The following ST3GAL3 variants were observed in gnomAD, a reference collection of about 807,000 sequenced individuals.
ST3GAL3 encodes ST3 beta-galactoside alpha-2,3-sialyltransferase 3, also known as CMP-N-acetylneuraminate-beta-1,4-galactoside alpha-2,3-sialyltransferase.
In ST3GAL3, 21 loss-of-function variants were observed where a neutral mutation model predicts 50.1. That is an observed-to-expected ratio of 0.42 (90% CI 0.30 to 0.60). ST3GAL3 has a LOEUF of 0.60. Among genes scored for constraint, ST3GAL3 ranks in the 20% least tolerant of loss-of-function variants. The pLI is 0.19. For synonymous variants in ST3GAL3, 183 were observed against 190.0 expected (o/e 0.96, Z 0.30); for missense variants, 353 against 489.4 (o/e 0.72, Z 2.63).
chr1:43,758,174 A>C (rs74590034), intron 2 of ST3GAL3, among the ~76,000 whole-genome samples: 6,572 of 73,710 alleles, frequency 0.089, 186 homozygotes, highest in Non-Finnish European at 0.11. Context: ...CCCCCCCCCC[A>C]AAAAAAAGGC....
At chr1:43,791,576 A>T (rs1021506233) in intron 2 of ST3GAL3, among the ~76,000 whole-genome samples, 2 of 152,130 alleles carry the variant, frequency 1.3e-5, no homozygotes, top group African/African-American at 4.8e-5. Context: ...GTGCACTAAC[A>T]TTTCCCCAAC....
At chr1:43,800,629 A>G (rs996026031) in intron 3 of ST3GAL3, among the ~76,000 whole-genome samples, 1 of 152,204 alleles carries the variant, frequency 6.6e-6, no homozygotes, top group Non-Finnish European at 1.5e-5. Flanking sequence ...AGCCTACTTC[A>G]TGATTGGGGG....
chr1:43,782,944 C>T (rs1299176018), intron 2 of ST3GAL3, among the ~76,000 whole-genome samples: 1 of 152,076 alleles, frequency 6.6e-6, no homozygotes, highest in Non-Finnish European at 1.5e-5. Context: ...TATTTAATTA[C>T]AGGATGCTGC....
chr1:43,764,843 C>A (rs1042233159), intron 2 of ST3GAL3, among the ~76,000 whole-genome samples: 5 of 152,214 alleles, frequency 3.3e-5, no homozygotes, highest in East Asian at 1.9e-4. Context: ...CTGTCCTTCA[C>A]CATCCCAGCA....
intron 5 of ST3GAL3, among the ~76,000 whole-genome samples, chr1:43,882,216 G>A (rs1027542837): frequency 1.3e-5 from 2 of 152,210 alleles, no homozygotes; most frequent in South Asian, 2.1e-4. Context: ...AGTTCAGCAT[G>A]TGAATGATAA....
chr1:43,726,855 A>C (rs1418467255), intron 1 of ST3GAL3, among the ~76,000 whole-genome samples: 1 of 152,140 alleles, frequency 6.6e-6, no homozygotes, highest in African/African-American at 2.4e-5. Flanking sequence ...CGGCCTCCCA[A>C]AGTGCTGGGA....
chr1:43,787,344 C>T (rs3828139), intron 2 of ST3GAL3, among the ~76,000 whole-genome samples: 70,299 of 152,092 alleles, frequency 0.46, 16,421 homozygotes, highest in Middle Eastern at 0.55. Flanking sequence ...GCAAACTTCT[C>T]AATTTGTTGA....
At chr1:43,837,244 G>C (rs531742534) in intron 4 of ST3GAL3, among the ~76,000 whole-genome samples, 1 of 152,184 alleles carries the variant, frequency 6.6e-6, no homozygotes, top group Non-Finnish European at 1.5e-5. Flanking sequence ...AGCCCAATCC[G>C]AGGGTCAGGG....
At chr1:43,865,314 G>A (rs1234281986) in intron 5 of ST3GAL3, among the ~76,000 whole-genome samples, 5 of 151,928 alleles carry the variant, frequency 3.3e-5, no homozygotes, top group South Asian at 2.1e-4. Context: ...CACCATGCCC[G>A]GTCATAACAT....
At chr1:43,721,821 GA>G (rs747215902) in intron 1 of ST3GAL3, among the ~76,000 whole-genome samples, 40 of 152,040 alleles carry the variant, frequency 2.6e-4, no homozygotes, top group Admixed American at 3.9e-4. Context: ...GGCTGGTCTT[GA>G]ACTCCTGACC....
chr1:43,741,516 G>A (rs903521406), intron 2 of ST3GAL3, among the ~76,000 whole-genome samples: 37 of 152,194 alleles, frequency 2.4e-4, no homozygotes, highest in African/African-American at 7.5e-4. Flanking sequence ...GCACAAAAGC[G>A]GAAGTTGGAT....
At chr1:43,908,270 C>G (rs1170503609) in intron 9 of ST3GAL3, among the ~76,000 whole-genome samples, 1 of 152,226 alleles carries the variant, frequency 6.6e-6, no homozygotes, top group East Asian at 1.9e-4. Context: ...TCAGGTCTCT[C>G]TCCAATCCCT....
chr1:43,916,249 A>T (rs2081778672), intron 9 of ST3GAL3, among the ~76,000 whole-genome samples: 1 of 152,246 alleles, frequency 6.6e-6, no homozygotes, highest in African/African-American at 2.4e-5. Context: ...CAGCAGTCAA[A>T]AAGACAGACA....
At chr1:43,929,907 T>C in intron 11 of ST3GAL3, 1 of 672,728 alleles carries the variant, frequency 1.5e-6, no homozygotes, top group South Asian at 1.5e-5. Context: ...GAAAGGGGTA[T>C]GAAGGTTCTT....
At chr1:43,803,279 G>A (rs773404881) in intron 3 of ST3GAL3, among the ~76,000 whole-genome samples, 2 of 151,696 alleles carry the variant, frequency 1.3e-5, no homozygotes, top group Non-Finnish European at 2.9e-5. Context: ...ACAGTGGTAC[G>A]CACCTAGAGT....
intron 2 of ST3GAL3, among the ~76,000 whole-genome samples, chr1:43,746,462 ATTT>A (rs35545005): frequency 9.0e-5 from 12 of 133,226 alleles, no homozygotes; most frequent in East Asian, 2.2e-4. Flanking sequence ...TAAAATGGTA[ATTT>A]TTTTTTTTTT....
chr1:43,716,399 A>G (rs1441832279), intron 1 of ST3GAL3: 1 of 152,194 alleles, frequency 6.6e-6, no homozygotes, highest in African/African-American at 2.4e-5. Flanking sequence ...TTCGTGGTGC[A>G]GGTTTCAGAG....
At position 43,911,706 on chromosome 1, in the gene ST3GAL3, T is replaced by A. The variant is rs188718779; in HGVS notation, c.745-8698T>A. 3.1e-3 allele frequency among the ~76,000 whole-genome samples: 467 copies of A among 150,570 alleles called. 9 individuals are homozygous for A. In the East Asian group the frequency reaches 0.041, roughly 13 times the overall value. ...ATAGATATGGATTTTTTTTTTTTTT[T>A]AGACAAGGTCTGGCTATGTCACCCA... On this transcript the variant is annotated intron_variant, in intron 9 of 11. Transcript: ENST00000347631.
At chr1:43,795,400 C>T (rs148774416) in intron 3 of ST3GAL3, among the ~76,000 whole-genome samples, 14 of 152,272 alleles carry the variant, frequency 9.2e-5, no homozygotes, top group Non-Finnish European at 1.8e-4. Context: ...TCAGTTTTCC[C>T]GACAACACCT....
Sources: allele counts gnomAD v4.1 joint callset (sites outside exome capture counted in the v4.1 genomes callset), GRCh38; gene constraint gnomAD v4.1.1; transcripts MANE v1.5; gene names NCBI Gene and HGNC (gene_info 2026-07-23, HGNC 2026-07-21).